The following PLXNA2 variants were observed in gnomAD, a reference collection of about 807,000 sequenced individuals.
PLXNA2 encodes plexin-A2.
Under a neutral mutation model 193.5 loss-of-function variants are expected in PLXNA2, and 91 were observed. The observed-to-expected ratio is 0.47, with a 90% confidence interval of 0.40 to 0.56. The LOEUF (loss-of-function observed/expected upper bound fraction) is 0.56. Ranked by LOEUF, PLXNA2 falls within the 20% of genes least tolerant of loss-of-function variation. PLXNA2 has a pLI of 0.00. For missense variants in PLXNA2, 1,995 were observed against 2,503.2 expected, an observed-to-expected ratio of 0.80 and a Z score of 4.33; for synonymous variants, 997 against 1,027.3, an observed-to-expected ratio of 0.97 and a Z score of 0.56.
intron 13 of PLXNA2, among the ~76,000 whole-genome samples, chr1:208,056,535 G>T (rs1665437009): frequency 6.6e-6 from 1 of 152,198 alleles, no homozygotes; most frequent in Non-Finnish European, 1.5e-5. Context: ...CTGCCCCTGT[G>T]TGGAGCTAAT....
intron 3 of PLXNA2, among the ~76,000 whole-genome samples, chr1:208,152,297 C>T (rs1267288847): frequency 6.6e-6 from 1 of 152,142 alleles, no homozygotes; most frequent in Non-Finnish European, 1.5e-5. Flanking sequence ...ATGTGCCCAC[C>T]ATGGTGCAGA....
chr1:208,194,982 A>T (rs1241554216), intron 3 of PLXNA2, among the ~76,000 whole-genome samples: 1 of 152,192 alleles, frequency 6.6e-6, no homozygotes, highest in Non-Finnish European at 1.5e-5. Context: ...TCCACGCTGA[A>T]GTTTTAATAA....
chr1:208,053,762 A>G (rs1665339658), intron 14 of PLXNA2, among the ~76,000 whole-genome samples: 1 of 152,216 alleles, frequency 6.6e-6, no homozygotes, highest in Non-Finnish European at 1.5e-5. Context: ...GGGCCCCAGA[A>G]GCAAGTTATT....
Position 208,028,284 on chromosome 1 carries a change from T to G in PLXNA2, c.5439-125A>C. 1 of 839,028 alleles carries G rather than the reference T, an allele frequency of 1.2e-6. No homozygotes were observed. The allele number at this position is 839,028 out of a possible 1,614,324, so 52.0% of individuals were successfully genotyped here. A position where few individuals can be genotyped will look rare whatever the true frequency, so the allele number is the denominator to read the frequency against. Reference sequence around the variant, plus strand: ...TGCTCCTGCCTCCCTATTTCTCTTCTGATGTGGCTTCCTCTGGCCTCTTGC... The same window carrying G: ...TGCTCCTGCCTCCCTATTTCTCTTCGGATGTGGCTTCCTCTGGCCTCTTGC... On this transcript the variant is annotated intron_variant, in intron 30 of 31. Coordinates refer to ENST00000367033, the MANE Select transcript of PLXNA2 (RefSeq NM_025179.4). This position sits in a 1 kb window ranked among gnomAD's most constrained non-coding sequence, Gnocchi z 4.2.
chr1:208,243,868 T>A lies in PLXNA2; in HGVS notation c.-306A>T, dbSNP rs1305815856. 1 of 152,288 alleles carries A rather than the reference T, an allele frequency of 6.6e-6. No individual in the cohort carries two copies. Among genetic ancestry groups the A allele is most frequent in the East Asian group, 1.9e-4 (1 of 5,170 alleles). 9.4% of individuals were successfully genotyped at this position (152,288 alleles called of 1,614,324 possible). ...GGTCTCCGCTCCGCGCGCCCCTCAG[T>A]CCTCCGTCGCCCCGCAGCAGCCCGG... On this transcript the variant is annotated 5_prime_UTR_variant, in exon 1 of 32. Coordinates refer to ENST00000367033, the MANE Select transcript of PLXNA2 (RefSeq NM_025179.4).
chr1:208,153,961 T>G (rs1668853378), intron 3 of PLXNA2, among the ~76,000 whole-genome samples: 1 of 139,114 alleles, frequency 7.2e-6, no homozygotes, highest in South Asian at 2.2e-4. Context: ...AGCTGCTTCA[T>G]GAAAACAGGC....
At chr1:208,039,070 T>C in intron 24 of PLXNA2, 86 bp from the exon 25 acceptor site, 1 of 1,285,434 alleles carries the variant, frequency 7.8e-7, no homozygotes, top group South Asian at 1.5e-5. Flanking sequence ...ATCTTCTTTT[T>C]CCAAAGTTCA....
At chr1:208,157,471 T>G (rs923756090) in intron 3 of PLXNA2, among the ~76,000 whole-genome samples, 1 of 152,230 alleles carries the variant, frequency 6.6e-6, no homozygotes, top group African/African-American at 2.4e-5. Flanking sequence ...TATTCTCAGG[T>G]CTTTTTACTC....
rs1332346648 is a variant in PLXNA2 at position 208,044,206 on chromosome 1, T to C, written c.3874+302A>G. 6.6e-6 allele frequency among the ~76,000 whole-genome samples: 1 copy of C among 152,216 alleles called. No homozygotes were observed. The highest frequency in any genetic ancestry group is 2.4e-5 in the African/African-American group (1 of 41,452). On this transcript the variant is annotated intron_variant, in intron 20 of 31. Transcript: ENST00000367033. The surrounding 1 kb of genome is among the most constrained non-coding windows in gnomAD (Gnocchi z 4.9). ...CTGGGGCTGTGGAGCCTGGGGACTC[T>C]GACTGTGGGGACATTGAGGCCCTGA...
chr1:208,199,843 C>T (rs1572024593), intron 3 of PLXNA2, among the ~76,000 whole-genome samples: 1 of 152,210 alleles, frequency 6.6e-6, no homozygotes, highest in East Asian at 1.9e-4. Context: ...TCAGCTAACT[C>T]ATTCATAAAA....
At chr1:208,047,486 G>C (rs1665117063) in intron 17 of PLXNA2, among the ~76,000 whole-genome samples, 1 of 152,232 alleles carries the variant, frequency 6.6e-6, no homozygotes, top group Non-Finnish European at 1.5e-5. Context: ...GCCCAAGACA[G>C]CAGCCAGACT....
chr1:208,142,508 C>A (rs1220846524), intron 3 of PLXNA2, 45 bp from the exon 4 acceptor site: 3 of 1,528,134 alleles, frequency 2.0e-6, no homozygotes, highest in East Asian at 4.6e-5. Flanking sequence ...CCTCAGTATT[C>A]CCCTGTGGGC....
chr1:208,151,094 T>C (rs1194679918), intron 3 of PLXNA2, among the ~76,000 whole-genome samples: 3 of 152,152 alleles, frequency 2.0e-5, no homozygotes, highest in Non-Finnish European at 2.9e-5. Context: ...AACAATAAGA[T>C]AAACACAGTG....
At chr1:208,237,289 C>T (rs1310547124) in intron 1 of PLXNA2, among the ~76,000 whole-genome samples, 6 of 152,144 alleles carry the variant, frequency 3.9e-5, no homozygotes, top group Non-Finnish European at 8.8e-5. Context: ...AATCTTCCCT[C>T]TCAGGTCCTT....
chr1:208,145,084 T>C lies in PLXNA2; in HGVS notation c.1372-2621A>G, dbSNP rs12096866. ...CCATAAGATTCTTACAGAAATATCA[T>C]AGCTTTTAGTCACAAAAGTTCTTGG... On this transcript the variant is annotated intron_variant, in intron 3 of 31. Transcript: ENST00000367033. Among the ~76,000 whole-genome samples the C allele has an allele frequency of 1.3e-3, 193 of 152,322 alleles. 1 individual carries two copies. The highest frequency in any genetic ancestry group is 4.4e-3 in the African/African-American group (182 of 41,586).
intron 1 of PLXNA2, among the ~76,000 whole-genome samples, chr1:208,222,748 A>T (rs1671379094): frequency 6.6e-6 from 1 of 152,106 alleles, no homozygotes; most frequent in Non-Finnish European, 1.5e-5. Flanking sequence ...CTACGTTTCC[A>T]CTTGGCTTTC....
chr1:208,085,378 G>A (rs940711389), intron 9 of PLXNA2, among the ~76,000 whole-genome samples: 7 of 152,190 alleles, frequency 4.6e-5, no homozygotes, highest in Admixed American at 2.0e-4. Context: ...CCTCCACAGG[G>A]AATCACTAGG....
intron 3 of PLXNA2, among the ~76,000 whole-genome samples, chr1:208,158,354 C>T (rs1669002156): frequency 6.6e-6 from 1 of 152,192 alleles, no homozygotes. Context: ...GCTGTCTCTA[C>T]TTCTTTCTCC....
intron 3 of PLXNA2, among the ~76,000 whole-genome samples, chr1:208,169,056 A>G (rs1416983276): frequency 6.6e-6 from 1 of 152,034 alleles, no homozygotes; most frequent in Non-Finnish European, 1.5e-5. Context: ...TGAACTCCCT[A>G]GAGAGGGTCT....
Sources: gnomAD v4.1 joint callset for allele counts (sites outside exome capture counted in the v4.1 genomes callset) on GRCh38, gnomAD v4.1.1 for gene constraint, Gnocchi (gnomAD v3.1) non-coding constraint, MANE v1.5 for transcripts, NCBI Gene and HGNC (gene_info 2026-07-23, HGNC 2026-07-21) for gene names.